Variants in GEMIN8 observed in about 807,000 individuals in gnomAD.
GEMIN8 encodes the protein gem nuclear organelle associated protein 8.
For synonymous variants in GEMIN8, 80 were observed against 78.5 expected, an observed-to-expected ratio of 1.02 and a Z score of -0.10; for missense variants, 185 against 205.9, an observed-to-expected ratio of 0.90 and a Z score of 0.62.
At chrX:13,987,751 G>A in the GEMIN8 span, among the ~76,000 whole-genome samples, 5 of 111,982 alleles carry the variant, frequency 4.5e-5, no homozygotes, top group African/African-American at 1.3e-4. Flanking sequence ...CCATGTTGTA[G>A]AAGGCTTTTG....
Position 14,008,852 on chromosome X carries a change from A to C in GEMIN8, c.*61T>G. ...CTTTCCCTAAGAAATGTACAGAAGG[A>C]GAGATAAAGAGCGTGTACCCAAAAG... On this transcript the variant is annotated 3_prime_UTR_variant, in exon 5 of 5. Coordinates refer to ENST00000680255, the MANE Select transcript of GEMIN8 (RefSeq NM_001042479.2). 1 of 1,055,966 alleles carries C rather than the reference A, an allele frequency of 9.5e-7. No individual in the cohort carries two copies. Among genetic ancestry groups the C allele is most frequent in the Non-Finnish European group, 1.3e-6 (1 of 766,260 alleles). The allele number at this position is 1,055,966 out of a possible 1,213,427, so 87.0% of individuals were successfully genotyped here.
intron 2 of GEMIN8, 142 bp downstream of exon 2, chrX:14,025,998 A>G: frequency 1.4e-6 from 1 of 697,051 alleles, no homozygotes; most frequent in Non-Finnish European, 1.7e-6. Flanking sequence ...GTTTCTGAAA[A>G]GCCAACATCT....
At chrX:14,016,860 A>ATATATAT (rs1284335450) in intron 4 of GEMIN8, among the ~76,000 whole-genome samples, 1 of 79,024 alleles carries the variant, frequency 1.3e-5, no homozygotes, top group African/African-American at 5.7e-5. Context: ...AAAAAAAAAA[A>ATATATAT]AAAAAAATAT....
chrX:13,995,937 T>C, the GEMIN8 span, among the ~76,000 whole-genome samples: 1 of 111,826 alleles, frequency 8.9e-6, no homozygotes, highest in Non-Finnish European at 1.9e-5. Flanking sequence ...AGGACCCACG[T>C]AGGTCAACAT....
the GEMIN8 span, among the ~76,000 whole-genome samples, chrX:13,997,377 C>A: frequency 1.3e-4 from 15 of 111,326 alleles, no homozygotes; most frequent in Non-Finnish European, 2.6e-4. Flanking sequence ...AGCTCCAAAC[C>A]CCAGATATGT....
At chrX:14,011,231 G>A (rs1308150331) in intron 4 of GEMIN8, among the ~76,000 whole-genome samples, 1 of 111,497 alleles carries the variant, frequency 9.0e-6, no homozygotes, top group East Asian at 2.8e-4. Context: ...AAGAGCGGGG[G>A]TGACCTAGGA....
intron 4 of GEMIN8, chrX:14,014,044 G>C (rs1923744286): frequency 1.3e-6 from 1 of 749,399 alleles, no homozygotes; most frequent in Non-Finnish European, 1.6e-6. Flanking sequence ...ATCATGGAAA[G>C]TTACCAGGAC....
chrX:14,001,815 C>A (rs1332193714), downstream of GEMIN8, among the ~76,000 whole-genome samples: 1 of 107,063 alleles, frequency 9.3e-6, no homozygotes, highest in Non-Finnish European at 1.9e-5. Context: ...CCGGCCCCAA[C>A]ATGTGCTTCT....
rs1002392237 is a variant in GEMIN8, at chrX:14,013,907, A to G, written c.473-4738T>C. 4 of 702,215 alleles carry G rather than the reference A, an allele frequency of 5.7e-6. No homozygotes were observed. The African/African-American group carries it at 7.1e-5, about 13-fold the overall frequency. 57.9% of individuals were successfully genotyped at this position (702,215 alleles called of 1,213,427 possible). A position where few individuals can be genotyped will look rare whatever the true frequency, so the allele number is the denominator to read the frequency against. On this transcript the variant is annotated intron_variant, in intron 4 of 4. Transcript: ENST00000680255. ...CAAGAACAATAGGCATGTATTATTA[A>G]GGAAAAGCTTTACTGGATTCCATCT...
chrX:13,998,413 C>T, the GEMIN8 span, among the ~76,000 whole-genome samples: 1 of 110,038 alleles, frequency 9.1e-6, no homozygotes, highest in African/African-American at 3.3e-5. Context: ...TGAGTTCTCA[C>T]GAGATCTGAT....
downstream of GEMIN8, among the ~76,000 whole-genome samples, chrX:14,003,001 A>G (rs192125306): frequency 4.7e-4 from 52 of 111,642 alleles, no homozygotes; most frequent in African/African-American, 1.7e-3. Context: ...CACACACCTG[A>G]GCCATCCTAG....
intron 4 of GEMIN8, among the ~76,000 whole-genome samples, chrX:14,016,428 G>C (rs1354044719): frequency 1.8e-5 from 2 of 111,777 alleles, no homozygotes; most frequent in Non-Finnish European, 3.8e-5. Flanking sequence ...TGCTAAATTT[G>C]ATAGACACCA....
At chrX:14,014,128 G>T in intron 4 of GEMIN8, 3 of 752,336 alleles carry the variant, frequency 4.0e-6, no homozygotes, top group Non-Finnish European at 4.7e-6. Flanking sequence ...GGCAGAACAT[G>T]TTAGAGGATA....
At chrX:13,990,076 G>A in the GEMIN8 span, among the ~76,000 whole-genome samples, 1 of 112,543 alleles carries the variant, frequency 8.9e-6, no homozygotes, top group Non-Finnish European at 1.9e-5. Flanking sequence ...CCAGGGAATT[G>A]CATTTTAAAT....
At position 14,007,354 on chromosome X, in the gene GEMIN8, G is replaced by A. The variant is rs1320074747; in HGVS notation, c.*1559C>T. Among the ~76,000 whole-genome samples, 1 of 111,947 alleles carries A rather than the reference G, an allele frequency of 8.9e-6. No homozygotes were observed. The highest frequency in any genetic ancestry group is 2.8e-4 in the East Asian group (1 of 3,588). On this transcript the variant is annotated 3_prime_UTR_variant, in exon 5 of 5. Transcript: ENST00000680255. ...GTCAACATGGGCTCACCCTGGCAATGTACTGTAATAACTTATTTAAAAGGC... is the reference window on the plus strand; with the variant it reads ...GTCAACATGGGCTCACCCTGGCAATATACTGTAATAACTTATTTAAAAGGC...
rs149014079 is a variant in GEMIN8 at position 14,020,100 on chromosome X, G to A, written c.450C>T (p.Thr150=). Residue 150 remains threonine, a synonymous_variant, in exon 4 of 5, where the codon ACC becomes ACT. Coordinates refer to ENST00000680255, the MANE Select transcript of GEMIN8 (RefSeq NM_001042479.2). ...TEELRQYFAE[T]ERHREERRRQ... ...TACGTCGTTCTTCTCTATGCCTCTCGGTCTCTGCAAAGTACTGGCGGAGCT... is the reference window on the plus strand; with the variant it reads ...TACGTCGTTCTTCTCTATGCCTCTCAGTCTCTGCAAAGTACTGGCGGAGCT... 5 of 1,197,706 alleles carry A rather than the reference G, an allele frequency of 4.2e-6. No homozygotes were observed. The highest frequency in any genetic ancestry group is 1.8e-5 in the African/African-American group (1 of 56,933).
At chrX:13,998,272 A>T in the GEMIN8 span, among the ~76,000 whole-genome samples, 1 of 109,657 alleles carries the variant, frequency 9.1e-6, no homozygotes, top group African/African-American at 3.3e-5. Flanking sequence ...AGAGGGGGTG[A>T]TATGGTTTGG....
At chrX:14,000,417 A>C in the GEMIN8 span, among the ~76,000 whole-genome samples, 1 of 110,869 alleles carries the variant, frequency 9.0e-6, no homozygotes, top group Non-Finnish European at 1.9e-5. Flanking sequence ...TAACACAGTG[A>C]AACCCCGTCT....
At chrX:13,992,422 C>T in the GEMIN8 span, among the ~76,000 whole-genome samples, 1 of 111,408 alleles carries the variant, frequency 9.0e-6, no homozygotes, top group Non-Finnish European at 1.9e-5. Context: ...ACCCAGCAGG[C>T]AAGCTGTATA....
Sources: allele counts gnomAD v4.1 joint callset (sites outside exome capture counted in the v4.1 genomes callset), GRCh38; gene constraint gnomAD v4.1.1; transcripts MANE v1.5; gene names NCBI Gene and HGNC (gene_info 2026-07-23, HGNC 2026-07-21).